Variants in CSTPP1 observed in about 807,000 individuals in gnomAD.
CSTPP1 encodes the protein centriolar satellite-associated tubulin polyglutamylase complex regulator 1.
At chr11:46,944,055 T>C in the CSTPP1 span, among the ~76,000 whole-genome samples, 4 of 150,920 alleles carry the variant, frequency 2.7e-5, no homozygotes, top group Non-Finnish European at 5.9e-5. Flanking sequence ...TGGTGGCTCA[T>C]GCCTATAATC....
chr11:47,110,373 A>G, the CSTPP1 span, among the ~76,000 whole-genome samples: 1 of 152,254 alleles, frequency 6.6e-6, no homozygotes, highest in Admixed American at 6.5e-5. Context: ...CTATCAGGAA[A>G]TAGTAAAGGC....
the CSTPP1 span, among the ~76,000 whole-genome samples, chr11:47,141,857 C>T: frequency 9.7e-4 from 125 of 128,490 alleles, no homozygotes; most frequent in Non-Finnish European, 1.5e-3. Context: ...CACTTGAACC[C>T]GGGAGGTGGA....
the CSTPP1 span, among the ~76,000 whole-genome samples, chr11:46,996,606 T>C: frequency 6.6e-6 from 1 of 152,196 alleles, no homozygotes; most frequent in Non-Finnish European, 1.5e-5. Context: ...GATCCTGTCA[T>C]TATGATGTTA....
At chr11:47,096,964 C>A in the CSTPP1 span, among the ~76,000 whole-genome samples, 2 of 152,230 alleles carry the variant, frequency 1.3e-5, no homozygotes, top group African/African-American at 4.8e-5. Flanking sequence ...GAGTACTTAA[C>A]GATAGCCCTT....
At chr11:46,971,301 G>A in the CSTPP1 span, among the ~76,000 whole-genome samples, 1 of 152,140 alleles carries the variant, frequency 6.6e-6, no homozygotes, top group African/African-American at 2.4e-5. Context: ...TAAACCACTG[G>A]AAATAAGATA....
chr11:47,107,989 A>G, the CSTPP1 span, among the ~76,000 whole-genome samples: 1 of 152,230 alleles, frequency 6.6e-6, no homozygotes, highest in African/African-American at 2.4e-5. Flanking sequence ...GCATGTGCGC[A>G]TGTGCGCACA....
the CSTPP1 span, among the ~76,000 whole-genome samples, chr11:47,069,542 G>A: frequency 2.6e-5 from 4 of 152,204 alleles, no homozygotes; most frequent in South Asian, 6.2e-4. Flanking sequence ...AGAAAAAATA[G>A]TTACTCCACC....
chr11:47,115,404 G>A, the CSTPP1 span, among the ~76,000 whole-genome samples: 8 of 152,290 alleles, frequency 5.3e-5, no homozygotes, highest in South Asian at 2.1e-4. Flanking sequence ...CAGAAGGAAT[G>A]GTACCAGCTC....
At chr11:46,976,433 C>T in the CSTPP1 span, among the ~76,000 whole-genome samples, 13 of 152,026 alleles carry the variant, frequency 8.6e-5, no homozygotes, top group Non-Finnish European at 1.0e-4. Context: ...AGTACACACA[C>T]ACACACAATG....
chr11:47,159,310 G>A, the CSTPP1 span, among the ~76,000 whole-genome samples: 1 of 152,116 alleles, frequency 6.6e-6, no homozygotes, highest in African/African-American at 2.4e-5. Flanking sequence ...AGGAGTTCAA[G>A]ACCAGCCTGA....
At chr11:47,084,373 C>A in the CSTPP1 span, among the ~76,000 whole-genome samples, 7 of 151,996 alleles carry the variant, frequency 4.6e-5, no homozygotes, top group Admixed American at 6.6e-5. Context: ...TTAGTGATGT[C>A]TTTTATTGAG....
the CSTPP1 span, among the ~76,000 whole-genome samples, chr11:46,988,114 G>A: frequency 6.6e-6 from 1 of 152,154 alleles, no homozygotes; most frequent in Non-Finnish European, 1.5e-5. Flanking sequence ...CTGTTGATGG[G>A]GATGTAAATT....
At chr11:46,967,554 A>G in the CSTPP1 span, among the ~76,000 whole-genome samples, 1 of 152,084 alleles carries the variant, frequency 6.6e-6, no homozygotes, top group African/African-American at 2.4e-5. Flanking sequence ...CTTCATAGCT[A>G]TGTGATCTTG....
At chr11:47,041,879 A>G in the CSTPP1 span, 1 of 341,830 alleles carries the variant, frequency 2.9e-6, no homozygotes, top group Non-Finnish European at 5.9e-6. Flanking sequence ...CCTTTGCGCC[A>G]GCAAGGATCC....
the CSTPP1 span, among the ~76,000 whole-genome samples, chr11:46,963,577 A>G: frequency 6.6e-6 from 1 of 152,048 alleles, no homozygotes; most frequent in Admixed American, 6.5e-5. Flanking sequence ...TGAGGCCAGG[A>G]GTTCGAGACC....
chr11:47,039,069 G>C, the CSTPP1 span, among the ~76,000 whole-genome samples: 3 of 126,950 alleles, frequency 2.4e-5, no homozygotes, highest in Non-Finnish European at 5.6e-5. Flanking sequence ...TGGGCAGCCA[G>C]GCAGAGACGC....
chr11:46,983,440 A>C, the CSTPP1 span, among the ~76,000 whole-genome samples: 95 of 152,214 alleles, frequency 6.2e-4, 1 homozygote, highest in Non-Finnish European at 1.1e-3. Context: ...ATTTTAGGAC[A>C]CTAGAGCGTA....
the CSTPP1 span, among the ~76,000 whole-genome samples, chr11:47,068,454 C>T: frequency 1.3e-5 from 2 of 152,078 alleles, no homozygotes; most frequent in African/African-American, 2.4e-5. Context: ...ATTGTTTGAA[C>T]CTAGGAGGCA....
the CSTPP1 span, among the ~76,000 whole-genome samples, chr11:47,061,863 C>G: frequency 6.6e-6 from 1 of 152,070 alleles, no homozygotes; most frequent in South Asian, 2.1e-4. Context: ...TTGATGGCCC[C>G]TCAAATCATT....
Sources: gnomAD v4.1 joint callset for allele counts (sites outside exome capture counted in the v4.1 genomes callset) on GRCh38, gnomAD v4.1.1 for gene constraint, MANE v1.5 for transcripts, NCBI Gene and HGNC (gene_info 2026-07-23, HGNC 2026-07-21) for gene names.